Variants in AP2A2 observed in about 807,000 individuals in gnomAD.
AP2A2 encodes the protein adaptor related protein complex 2 subunit alpha 2, also known as AP-2 complex subunit alpha-2.
A neutral mutation model predicts 104.2 loss-of-function variants in AP2A2; 32 were observed. That is an observed-to-expected ratio of 0.31 (90% CI 0.23 to 0.41). The LOEUF (loss-of-function observed/expected upper bound fraction) is 0.41, where lower values mean the gene tolerates loss of function less well. Ranked by LOEUF, AP2A2 falls within the 10% of genes least tolerant of loss-of-function variation. The pLI is 1.00. For missense variants in AP2A2, 912 were observed against 1,261.0 expected, an observed-to-expected ratio of 0.72 and a Z score of 4.19; for synonymous variants, 539 against 533.3, an observed-to-expected ratio of 1.01 and a Z score of -0.15.
chr11:1,005,936 G>T (rs769746100), intron 16 of AP2A2, among the ~76,000 whole-genome samples: 10 of 152,232 alleles, frequency 6.6e-5, no homozygotes, highest in Non-Finnish European at 1.3e-4. Flanking sequence ...TGTTCACAAA[G>T]ATTTTTTACT....
intron 3 of AP2A2, among the ~76,000 whole-genome samples, chr11:971,696 A>G (rs933943678): frequency 1.3e-5 from 2 of 152,138 alleles, no homozygotes; most frequent in Non-Finnish European, 2.9e-5. Flanking sequence ...CTCTCAGTGA[A>G]GGTTCCTGCC....
At position 972,132 on chromosome 11, in the gene AP2A2, A is replaced by C; in HGVS notation, c.350A>C (p.Lys117Thr). 6.2e-7 allele frequency: 1 copy of C among 1,613,760 alleles called. No individual in the cohort carries two copies. Among genetic ancestry groups the C allele is most frequent in the South Asian group, 1.1e-5 (1 of 91,060 alleles). ...ATCCGCCTGATCAACAACGCCATCA[A>C]GAATGACCTGGCCAGCCGCAACCCC... is the stretch of plus-strand genomic sequence containing the variant. ...ELIRLINNAIKNDLASRNPTF... is the reference protein window; with the variant it reads ...ELIRLINNAITNDLASRNPTF... The change falls in exon 4 of 22, where the codon AAG (lysine) becomes ACG (threonine). Residue 117 changes from lysine to threonine, a missense_variant. This residue lies in a region of AP2A2 where 350 missense variants were observed against 487.0 expected (regional missense o/e 0.72). Coordinates refer to ENST00000448903, the MANE Select transcript of AP2A2 (RefSeq NM_012305.4).
chr11:938,662 G>A (rs1293562533), intron 1 of AP2A2, among the ~76,000 whole-genome samples: 1 of 151,876 alleles, frequency 6.6e-6, no homozygotes, highest in East Asian at 2.0e-4. Flanking sequence ...TTTTAGTAGA[G>A]ACGGGGTTTC....
chr11:934,920 G>A (rs1286573245), intron 1 of AP2A2, among the ~76,000 whole-genome samples: 2 of 151,502 alleles, frequency 1.3e-5, no homozygotes, highest in African/African-American at 2.4e-5. Flanking sequence ...GTGCAGTGGC[G>A]CAATCTTGGT....
At chr11:964,691 A>G (rs898848632) in intron 2 of AP2A2, among the ~76,000 whole-genome samples, 2 of 152,188 alleles carry the variant, frequency 1.3e-5, no homozygotes, top group Admixed American at 6.5e-5. Flanking sequence ...AACAACAACA[A>G]CAACAAAAAT....
In AP2A2 at chr11:1,010,639, A is replaced by G; in HGVS notation, c.*14A>G. Reference sequence around the variant, plus strand: ...GCGCAGTTTTAGTCCTGAGGATGGAAGACCAGGCTCGTGTGTCTTGTGTTG... The same window carrying G: ...GCGCAGTTTTAGTCCTGAGGATGGAGGACCAGGCTCGTGTGTCTTGTGTTG... On this transcript the variant is annotated 3_prime_UTR_variant, in exon 22 of 22. Transcript: ENST00000448903. 3 of 1,578,128 alleles carry G rather than the reference A, an allele frequency of 1.9e-6. No homozygotes were observed. Among genetic ancestry groups the G allele is most frequent in the Non-Finnish European group, 2.6e-6 (3 of 1,159,766 alleles).
rs760630747 is a variant in AP2A2, at chr11:992,340, C to T, written c.1270-163C>T. 35 of 715,034 alleles carry T rather than the reference C, an allele frequency of 4.9e-5. No individual in the cohort carries two copies. Among genetic ancestry groups the T allele is most frequent in the Non-Finnish European group, 7.1e-5 (30 of 422,776 alleles). The allele number at this position is 715,034 out of a possible 1,614,324, so 44.3% of individuals were successfully genotyped here. ...CAGGGCATCTTAAACTTTCTGGGCT[C>T]GTGGGCTTTTTTGAGAATCGAGTTC... On this transcript the variant is annotated intron_variant, in intron 10 of 21. Coordinates refer to ENST00000448903, the MANE Select transcript of AP2A2 (RefSeq NM_012305.4). This position sits in a 1 kb window ranked among gnomAD's most constrained non-coding sequence, Gnocchi z 6.4.
Position 1,008,058 on chromosome 11 carries a change from C to G in AP2A2, c.2343C>G (p.Gly781=), listed in dbSNP as rs373604683. The change falls in exon 18 of 22, where the codon GGC becomes GGG. Residue 781 remains glycine, a synonymous_variant. Coordinates refer to ENST00000448903, the MANE Select transcript of AP2A2 (RefSeq NM_012305.4). ...CCGTGGACCCGACCGTGGAGGGGGG[C>G]GCGCAGGTGCAGCAGGTGGTCAACA... is the stretch of plus-strand genomic sequence containing the variant. The part of the protein sequence containing the change: ...TKPVDPTVEG[G]AQVQQVVNIE... The G allele has an allele frequency of 1.9e-6, 3 of 1,582,390 alleles. No homozygotes were observed. Among genetic ancestry groups the G allele is most frequent in the Admixed American group, 1.8e-5 (1 of 55,232 alleles).
At chr11:953,623 G>A (rs985388926) in intron 1 of AP2A2, among the ~76,000 whole-genome samples, 3 of 44,014 alleles carry the variant, frequency 6.8e-5, no homozygotes, top group African/African-American at 1.6e-4. Flanking sequence ...TCCTGGCTCC[G>A]TCTGCCTCCG....
Position 992,504 on chromosome 11 carries a change from T to C in AP2A2, c.1271T>C (p.Val424Ala). ...CCCTCAGCAGCCTGTCCCCCACAGG[T>C]GCTGAAGGTCGCCATCCTGGCTGAG... Reference protein sequence around the residue: ...TADYSIREEIVLKVAILAEKY... With the variant: ...TADYSIREEIALKVAILAEKY... Residue 424 changes from valine (V) to alanine (A), a missense_variant and splice_region_variant, in exon 11 of 22, where the codon GTG (valine) becomes GCG (alanine). Physicochemically the swap from Val to Ala is moderately conservative, Grantham distance 64 (BLOSUM62 0). Coordinates refer to ENST00000448903, the MANE Select transcript of AP2A2 (RefSeq NM_012305.4). The surrounding 1 kb of genome is among the most constrained non-coding windows in gnomAD (Gnocchi z 6.4). The C allele has an allele frequency of 6.3e-7, 1 of 1,583,920 alleles. No individual in the cohort carries two copies. Among genetic ancestry groups the C allele is most frequent in the Non-Finnish European group, 8.6e-7 (1 of 1,165,288 alleles).
chr11:937,353 C>T (rs1478051713), intron 1 of AP2A2, among the ~76,000 whole-genome samples: 1 of 152,094 alleles, frequency 6.6e-6, no homozygotes, highest in East Asian at 1.9e-4. Flanking sequence ...AGCGCAACAC[C>T]ATTGTCCGTC....
chr11:936,047 G>A (rs1256122670), intron 1 of AP2A2, among the ~76,000 whole-genome samples: 5 of 149,958 alleles, frequency 3.3e-5, no homozygotes, highest in Admixed American at 6.7e-5. Flanking sequence ...GACTACAGGC[G>A]CCCACCACCA....
At position 984,661 on chromosome 11, in the gene AP2A2, C is replaced by G; in HGVS notation, c.722C>G (p.Ser241Cys). 1.2e-6 allele frequency: 2 copies of G among 1,612,822 alleles called. No homozygotes were observed. The highest frequency in any genetic ancestry group is 1.7e-6 in the Non-Finnish European group (2 of 1,179,016). ...GTCTTACAGATCGTGACGTCTGCAT[C>G]CACAGATCTCCAGGATTACACTTAC... ...SRLSRIVTSA[S>C]TDLQDYTYYF... Residue 241 changes from serine (S) to cysteine (C), a missense_variant, in exon 7 of 22, where the codon TCC (serine) becomes TGC (cysteine). Physicochemically the swap from Ser to Cys is moderately radical, Grantham distance 112. Around this residue, in one of 7 missense-constraint regions of AP2A2, gnomAD observed 350 missense variants for 487.0 expected, o/e 0.72. Coordinates refer to ENST00000448903, the MANE Select transcript of AP2A2 (RefSeq NM_012305.4).
At chr11:981,116 T>G in intron 5 of AP2A2, 82 bp from the exon 6 acceptor site, 1 of 1,262,166 alleles carries the variant, frequency 7.9e-7, no homozygotes, top group Non-Finnish European at 1.1e-6. Flanking sequence ...TGCTGGTTGG[T>G]TTAAGGTTTT....
chr11:972,110 C>A lies in AP2A2; in HGVS notation c.328C>A (p.Arg110Ser), dbSNP rs1216163460. Reference sequence around the variant, plus strand: ...GGTGAACTCAAACAGTGAGCTGATCCGCCTGATCAACAACGCCATCAAGAA... The same window carrying A: ...GGTGAACTCAAACAGTGAGCTGATCAGCCTGATCAACAACGCCATCAAGAA... ...VLVNSNSELI[R>S]LINNAIKNDL... The change falls in exon 4 of 22, where the codon CGC (arginine) becomes AGC (serine). Residue 110 changes from arginine (R) to serine (S), a missense_variant. This residue lies in a region of AP2A2 where 350 missense variants were observed against 487.0 expected (regional missense o/e 0.72). Coordinates refer to ENST00000448903, the MANE Select transcript of AP2A2 (RefSeq NM_012305.4). The A allele has an allele frequency of 6.2e-7, 1 of 1,613,666 alleles. No homozygotes were observed. Among genetic ancestry groups the A allele is most frequent in the African/African-American group, 1.3e-5 (1 of 74,932 alleles).
Position 1,009,732 on chromosome 11 carries a change from C to G in AP2A2, c.2657C>G (p.Ala886Gly). Residue 886 changes from alanine to glycine, a missense_variant, in exon 21 of 22, where the codon GCG (alanine) becomes GGG (glycine). This residue lies in a region of AP2A2 where 239 missense variants were observed against 329.8 expected (regional missense o/e 0.72). Transcript: ENST00000448903. ...ALLEEVDPNP[A>G]NFVGAGIIHT... is the part of the protein sequence containing the mutation. ...CTTGAAGAAGTTGATCCTAATCCTG[C>G]GAATTTCGTGGGAGCTGGAATCATC... 1 of 1,560,418 alleles carries G rather than the reference C, an allele frequency of 6.4e-7. No individual in the cohort carries two copies.
intron 4 of AP2A2, 142 bp downstream of exon 4, chr11:972,397 C>G: frequency 9.4e-7 from 1 of 1,061,816 alleles, no homozygotes; most frequent in Non-Finnish European, 1.3e-6. Flanking sequence ...AGGTGGGATC[C>G]AGAATTACAA....
chr11:944,191 T>A (rs954813088), intron 1 of AP2A2, among the ~76,000 whole-genome samples: 1 of 152,222 alleles, frequency 6.6e-6, no homozygotes, highest in African/African-American at 2.4e-5. Flanking sequence ...CTGTAGAGAC[T>A]GACATGGCAC....
chr11:983,369 A>ATTAT (rs72210326), intron 6 of AP2A2, among the ~76,000 whole-genome samples: 1 of 146,290 alleles, frequency 6.8e-6, no homozygotes, highest in African/African-American at 2.5e-5. Context: ...GTCTCTTTTT[A>ATTAT]TTATTTATTT....
Sources: allele counts gnomAD v4.1 joint callset (sites outside exome capture counted in the v4.1 genomes callset), GRCh38; gene constraint gnomAD v4.1.1; regional missense constraint gnomAD v4.1.1; non-coding constraint Gnocchi (gnomAD v3.1); transcripts MANE v1.5; gene names NCBI Gene and HGNC (gene_info 2026-07-23, HGNC 2026-07-21).